Variants in HK2 observed in about 807,000 individuals in gnomAD.
HK2 encodes hexokinase-2.
HK2 carries 42 observed loss-of-function variants against 92.9 expected under a neutral mutation model. The ratio of observed to expected loss-of-function variants is 0.45; its 90% confidence interval spans 0.35 to 0.58. The LOEUF (loss-of-function observed/expected upper bound fraction) is 0.58. Ranked by LOEUF, HK2 falls within the 20% of genes least tolerant of loss-of-function variation. The pLI, the probability that HK2 is intolerant of heterozygous loss-of-function variation, is 0.00. For missense variants in HK2, 978 were observed against 1,245.1 expected, an observed-to-expected ratio of 0.79 and a Z score of 3.23; for synonymous variants, 422 against 468.0, an observed-to-expected ratio of 0.90 and a Z score of 1.27.
At chr2:74,887,549 G>A (rs993414920) in intron 15 of HK2, among the ~76,000 whole-genome samples, 2 of 152,064 alleles carry the variant, frequency 1.3e-5, no homozygotes, top group East Asian at 1.9e-4. Flanking sequence ...CCCCTGCTCC[G>A]AGAAGTCCAG....
chr2:74,886,717 G>A (rs1481629407), intron 15 of HK2, 44 bp downstream of exon 15: 1 of 1,594,850 alleles, frequency 6.3e-7, no homozygotes, highest in Non-Finnish European at 8.6e-7. Flanking sequence ...CCCAGGACTG[G>A]ATGGCAACAA....
chr2:74,870,578 G>A (rs1689074893), intron 3 of HK2, among the ~76,000 whole-genome samples: 2 of 137,948 alleles, frequency 1.4e-5, no homozygotes, highest in South Asian at 4.4e-4. Context: ...TTTTTTTTGG[G>A]ATAAAAACTA....
rs751229261 is a variant in HK2 at position 74,874,362 on chromosome 2, C to A, written c.788C>A (p.Ala263Asp). The A allele has an allele frequency of 6.2e-7, 1 of 1,614,048 alleles. No homozygotes were observed. Among genetic ancestry groups the A allele is most frequent in the Non-Finnish European group, 8.5e-7 (1 of 1,179,980 alleles). ...GRMCINMEWG[A>D]FGDDGSLNDI... is the part of the protein sequence containing the mutation. Reference sequence around the variant, plus strand: ...ATGTGTATCAATATGGAGTGGGGGGCCTTCGGGGACGATGGCTCGCTCAAC... The same window carrying A: ...ATGTGTATCAATATGGAGTGGGGGGACTTCGGGGACGATGGCTCGCTCAAC... Residue 263 changes from alanine to aspartate, a missense_variant, in exon 7 of 18, where the codon GCC becomes GAC. Transcript: ENST00000290573.
chr2:74,852,143 C>T (rs1688585565), intron 1 of HK2, among the ~76,000 whole-genome samples: 1 of 152,242 alleles, frequency 6.6e-6, no homozygotes, highest in African/African-American at 2.4e-5. Flanking sequence ...AGAATAGGAT[C>T]TGGCACAAAG....
intron 2 of HK2, among the ~76,000 whole-genome samples, chr2:74,862,806 CGTGTGTGTATGTGTGCGTGTATAT>C (rs958039820): frequency 2.0e-5 from 3 of 152,062 alleles, no homozygotes; most frequent in African/African-American, 7.2e-5. Context: ...TGACAAGGTG[CGTGTGTGTATGTGTGCGTGTATAT>C]GTGTGTGTTT....
At position 74,888,044 on chromosome 2, in the gene HK2, G is replaced by T. The variant is rs1261002946; in HGVS notation, c.2361G>T (p.Leu787Phe). 4 of 1,614,094 alleles carry T rather than the reference G, an allele frequency of 2.5e-6. No homozygotes were observed. In the Admixed American group the frequency reaches 6.7e-5, roughly 27 times the overall value. ...GGGGCATCTTTGAAACCAAGTTCTT[G>T]TCTCAGATTGAGAGGTGAGAGCTTA... ...KTRGIFETKFLSQIESDCLAL... is the reference protein window; with the variant it reads ...KTRGIFETKFFSQIESDCLAL... Residue 787 changes from leucine (L) to phenylalanine (F), a missense_variant, in exon 16 of 18, where the codon TTG (leucine) becomes TTT (phenylalanine). Leu to Phe is a conservative substitution (Grantham distance 22). Coordinates refer to ENST00000290573, the MANE Select transcript of HK2 (RefSeq NM_000189.5).
intron 2 of HK2, among the ~76,000 whole-genome samples, chr2:74,858,547 A>G (rs1294918836): frequency 2.0e-5 from 3 of 152,178 alleles, no homozygotes; most frequent in African/African-American, 7.2e-5. Context: ...TGTGTTACAA[A>G]CACTCCTGCA....
In HK2 at chr2:74,834,681, G is replaced by GCAAAGTGGT; in HGVS notation, c.63+40_63+48dup. ...GGGCGGGGCGGCAGGCTGGGCTCTG[G>GCAAAGTGGT]CAAAGTGGTCTGGCCTCCATCAGTC... On this transcript the variant is annotated intron_variant, in intron 1 of 17. Transcript: ENST00000290573. The surrounding 1 kb of genome is among the most constrained non-coding windows in gnomAD (Gnocchi z 4.2). 1 of 1,607,202 alleles carries GCAAAGTGGT rather than the reference G, an allele frequency of 6.2e-7. No individual in the cohort carries two copies. The highest frequency in any genetic ancestry group is 8.5e-7 in the Non-Finnish European group (1 of 1,173,728).
chr2:74,864,102 A>C (rs1200960117), intron 2 of HK2, among the ~76,000 whole-genome samples: 2 of 152,122 alleles, frequency 1.3e-5, no homozygotes, highest in Admixed American at 6.5e-5. Context: ...ATGGCCCTGG[A>C]GCTCATGCCC....
intron 4 of HK2, 21 bp downstream of exon 4, chr2:74,872,440 A>AC (rs768749437): frequency 3.7e-6 from 6 of 1,613,472 alleles, no homozygotes; most frequent in Non-Finnish European, 5.1e-6. Flanking sequence ...CTCCTCAGAC[A>AC]CTTGTTGCTT....
At chr2:74,851,807 C>T (rs1558790686) in intron 1 of HK2, among the ~76,000 whole-genome samples, 1 of 152,190 alleles carries the variant, frequency 6.6e-6, no homozygotes, top group African/African-American at 2.4e-5. Flanking sequence ...TGCTCAGTCA[C>T]CTCTGTGTGC....
intron 3 of HK2, among the ~76,000 whole-genome samples, chr2:74,869,859 A>C (rs544403713): frequency 6.6e-6 from 1 of 152,314 alleles, no homozygotes; most frequent in Admixed American, 6.5e-5. Flanking sequence ...AGCCCTAGCC[A>C]GTGGAACTTC....
At chr2:74,840,769 C>A (rs1688292331) in intron 1 of HK2, among the ~76,000 whole-genome samples, 1 of 148,224 alleles carries the variant, frequency 6.7e-6, no homozygotes. Flanking sequence ...GTCCCAGCTA[C>A]TTGGGAGGCT....
intron 5 of HK2, 98 bp from the exon 6 acceptor site, chr2:74,873,746 A>AAGGAGG (rs112954107): frequency 0.19 from 138,219 of 734,434 alleles, 12,193 homozygotes; most frequent in African/African-American, 0.38. Context: ...AGAGAGAGAG[A>AAGGAGG]AGGAGGAGGA....
intron 1 of HK2, among the ~76,000 whole-genome samples, chr2:74,853,955 CAA>C (rs1041991694): frequency 6.6e-6 from 1 of 152,106 alleles, no homozygotes; most frequent in African/African-American, 2.4e-5. Flanking sequence ...GCTGGGGGAA[CAA>C]GAGATGAGGG....
At chr2:74,880,667 AC>A in intron 10 of HK2, 98 bp downstream of exon 10, 1 of 1,238,748 alleles carries the variant, frequency 8.1e-7, no homozygotes, top group Non-Finnish European at 1.2e-6. Context: ...GGACATTTGA[AC>A]CAGAACACGT....
chr2:74,854,247 A>G (rs1199406255), intron 1 of HK2, 46 bp from the exon 2 acceptor site: 4 of 1,591,930 alleles, frequency 2.5e-6, no homozygotes, highest in Non-Finnish European at 3.4e-6. Flanking sequence ...CTATGCCATA[A>G]TTTATTTAAC....
intron 2 of HK2, among the ~76,000 whole-genome samples, chr2:74,858,896 A>C (rs1288436656): frequency 6.6e-6 from 1 of 152,246 alleles, no homozygotes; most frequent in Non-Finnish European, 1.5e-5. Flanking sequence ...CGTAGGGGTG[A>C]AATGTTCAAG....
At chr2:74,864,068 A>G (rs886774634) in intron 2 of HK2, among the ~76,000 whole-genome samples, 2 of 152,166 alleles carry the variant, frequency 1.3e-5, no homozygotes, top group African/African-American at 4.8e-5. Context: ...ATCCTGGGCA[A>G]ACTGGGATGG....
Sources: gnomAD v4.1 joint callset for allele counts (sites outside exome capture counted in the v4.1 genomes callset) on GRCh38, gnomAD v4.1.1 for gene constraint, Gnocchi (gnomAD v3.1) non-coding constraint, MANE v1.5 for transcripts, NCBI Gene and HGNC (gene_info 2026-07-23, HGNC 2026-07-21) for gene names.